Variants in PLEKHA6 observed in about 807,000 individuals in gnomAD.
PLEKHA6 encodes pleckstrin homology domain-containing family A member 6.
Under a neutral mutation model 116.7 loss-of-function variants are expected in PLEKHA6, and 60 were observed. The observed-to-expected ratio is 0.51, with a 90% CI of 0.42 to 0.64. PLEKHA6 has a LOEUF of 0.64. PLEKHA6 is among the 30% of genes least tolerant of loss of function. PLEKHA6 has a pLI of 0.00. For synonymous variants in PLEKHA6, 489 were observed against 556.1 expected, an observed-to-expected ratio of 0.88 and a Z score of 1.70; for missense variants, 1,338 against 1,422.7, an observed-to-expected ratio of 0.94 and a Z score of 0.96.
intron 2 of PLEKHA6, 83 bp from the exon 3 acceptor site, chr1:204,273,823 C>G (rs1420563349): frequency 1.1e-5 from 10 of 929,784 alleles, no homozygotes; most frequent in Non-Finnish European, 1.5e-5. Flanking sequence ...CACACCCTGC[C>G]ACCCACTGTT....
chr1:204,221,341 G>C lies in PLEKHA6; in HGVS notation c.*1447C>G, dbSNP rs1382545782. 2.0e-5 allele frequency: 3 copies of C among 152,666 alleles called. No homozygotes were observed. The highest frequency in any genetic ancestry group is 4.4e-5 in the Non-Finnish European group (3 of 68,056). 9.5% of individuals were successfully genotyped at this position (152,666 alleles called of 1,614,324 possible). On this transcript the variant is annotated 3_prime_UTR_variant, in exon 23 of 23. Coordinates refer to ENST00000272203, the MANE Select transcript of PLEKHA6 (RefSeq NM_014935.5). The stretch of plus-strand genomic sequence containing the variant: ...GGAAGTCAGGCTGAAGCCTCTGAGC[G>C]GCAACTCTAGCAGAGAGAAGGCCGA...
chr1:204,287,897 G>A (rs1392205063), intron 1 of PLEKHA6, among the ~76,000 whole-genome samples: 1 of 152,178 alleles, frequency 6.6e-6, no homozygotes, highest in African/African-American at 2.4e-5. Flanking sequence ...CTTCTGCGCT[G>A]AGCAGTTCAC....
chr1:204,229,185 C>T (rs1660814705), intron 18 of PLEKHA6, 81 bp from the exon 19 acceptor site: 2 of 1,402,716 alleles, frequency 1.4e-6, no homozygotes, highest in Non-Finnish European at 2.0e-6. Context: ...CCTCGCTTTC[C>T]CTTCCCAGCT....
At chr1:204,269,706 C>G (rs1036573612) in intron 3 of PLEKHA6, among the ~76,000 whole-genome samples, 6 of 152,160 alleles carry the variant, frequency 3.9e-5, no homozygotes, top group East Asian at 3.8e-4. Flanking sequence ...TTTGCCTCTT[C>G]CCCTCCAATG....
intron 1 of PLEKHA6, among the ~76,000 whole-genome samples, chr1:204,290,849 G>C (rs374369431): frequency 3.3e-5 from 5 of 152,142 alleles, no homozygotes; most frequent in African/African-American, 1.2e-4. Context: ...AATTAGCCAG[G>C]CATGGTGGCG....
At chr1:204,314,885 C>T (rs1373304107) in intron 1 of PLEKHA6, among the ~76,000 whole-genome samples, 4 of 152,134 alleles carry the variant, frequency 2.6e-5, no homozygotes, top group Non-Finnish European at 2.9e-5. Context: ...CTTCTAATTC[C>T]ACAGGGGCTT....
At chr1:204,327,250 G>A (rs1672274635) in intron 1 of PLEKHA6, among the ~76,000 whole-genome samples, 1 of 152,198 alleles carries the variant, frequency 6.6e-6, no homozygotes, top group Non-Finnish European at 1.5e-5. Context: ...AGCAGTACCA[G>A]GGCTTCCTGC....
chr1:204,314,062 G>A lies in PLEKHA6; in HGVS notation c.-94-39253C>T, dbSNP rs145718039. Among the ~76,000 whole-genome samples the A allele has an allele frequency of 4.3e-3, 651 of 152,282 alleles. 4 individuals carry two copies. The highest frequency in any genetic ancestry group is 0.013 in the African/African-American group (558 of 41,564). On this transcript the variant is annotated intron_variant, in intron 1 of 22. Coordinates refer to ENST00000272203, the MANE Select transcript of PLEKHA6 (RefSeq NM_014935.5). ...AGCACTGGTGGGTGGGAAAGTGAGG[G>A]TCCCCAGATGGGGAGGGACAGGATC...
rs1400994764 is a variant in PLEKHA6 at position 204,219,310 on chromosome 1, G to A, written c.*3478C>T. 6.6e-6 allele frequency: 1 copy of A among 152,342 alleles called. No homozygotes were observed. Among genetic ancestry groups the A allele is most frequent in the African/African-American group, 2.4e-5 (1 of 41,344 alleles). 9.4% of individuals were successfully genotyped at this position (152,342 alleles called of 1,614,324 possible). On this transcript the variant is annotated 3_prime_UTR_variant, in exon 23 of 23. Transcript: ENST00000272203. ...TCTTAGTTTTAAGAGCTGCCAGGTA[G>A]AGGGTGCCTAAAGGGGAAAGGAATT...
At chr1:204,244,414 T>G (rs1370851542) in intron 15 of PLEKHA6, among the ~76,000 whole-genome samples, 1 of 152,058 alleles carries the variant, frequency 6.6e-6, no homozygotes, top group Non-Finnish European at 1.5e-5. Context: ...ATGCTGGGAT[T>G]ACACGATTAC....
At chr1:204,245,518 C>T in intron 14 of PLEKHA6, 97 bp downstream of exon 14, 1 of 755,438 alleles carries the variant, frequency 1.3e-6, no homozygotes, top group Non-Finnish European at 2.3e-6. Context: ...TGGCTCTGAA[C>T]ACAGTGTGAG....
At chr1:204,248,673 G>T (rs1469279896) in intron 12 of PLEKHA6, 148 bp downstream of exon 12, 3 of 627,560 alleles carry the variant, frequency 4.8e-6, no homozygotes, top group Non-Finnish European at 8.3e-6. Flanking sequence ...GGGCAATATT[G>T]AGGTCTTTGT....
At chr1:204,226,542 A>C (rs1294385848) in intron 21 of PLEKHA6, among the ~76,000 whole-genome samples, 2 of 152,126 alleles carry the variant, frequency 1.3e-5, no homozygotes, top group East Asian at 3.9e-4. Context: ...TTGCAGCTAA[A>C]CTACAGGGAG....
chr1:204,352,399 A>C (rs575867502), intron 1 of PLEKHA6, among the ~76,000 whole-genome samples: 1 of 152,178 alleles, frequency 6.6e-6, no homozygotes, highest in African/African-American at 2.4e-5. Context: ...AAGAAAAAAG[A>C]AAAAAAGACT....
intron 1 of PLEKHA6, among the ~76,000 whole-genome samples, chr1:204,279,800 G>A (rs766763510): frequency 2.0e-5 from 3 of 152,084 alleles, no homozygotes; most frequent in Non-Finnish European, 4.4e-5. Context: ...TTATTTCTTG[G>A]GCCCTTAGTT....
At chr1:204,352,966 C>G (rs947694190) in intron 1 of PLEKHA6, among the ~76,000 whole-genome samples, 4 of 152,158 alleles carry the variant, frequency 2.6e-5, no homozygotes, top group African/African-American at 9.7e-5. Flanking sequence ...GCCTGGGGGA[C>G]AGAGTGAGGC....
intron 1 of PLEKHA6, chr1:204,311,491 CAA>C (rs36122125): frequency 2.3e-3 from 893 of 391,380 alleles, no homozygotes; most frequent in Non-Finnish European, 2.7e-3. Context: ...AACTCTGTGT[CAA>C]AAAAAAAAAA....
intron 17 of PLEKHA6, among the ~76,000 whole-genome samples, chr1:204,237,743 G>T (rs918112218): frequency 6.6e-6 from 1 of 152,212 alleles, no homozygotes; most frequent in African/African-American, 2.4e-5. Context: ...TACCTCAGGG[G>T]TGTATCAACT....
At position 204,223,543 on chromosome 1, in the gene PLEKHA6, G is replaced by T. The variant is rs748542418; in HGVS notation, c.3074C>A (p.Pro1025Gln). Residue 1025 changes from proline (P) to glutamine (Q), a missense_variant, in exon 22 of 23, where the codon CCG becomes CAG. Physicochemically the swap from Pro to Gln is moderately conservative, Grantham distance 76. Coordinates refer to ENST00000272203, the MANE Select transcript of PLEKHA6 (RefSeq NM_014935.5). This position sits in a 1 kb window ranked among gnomAD's most constrained non-coding sequence, Gnocchi z 4.8. The part of the protein sequence containing the change: ...TPSPPTSPAS[P>Q]APPANPLSSE... ...CGACAGGGGGTTTGCTGGAGGAGCC[G>T]GGGAAGCAGGGGAGGTGGGAGGGCT... is the stretch of plus-strand genomic sequence containing the variant. The T allele has an allele frequency of 6.5e-7, 1 of 1,548,774 alleles. No individual in the cohort carries two copies. The highest frequency in any genetic ancestry group is 2.4e-5 in the East Asian group (1 of 40,874).
Sources: allele counts gnomAD v4.1 joint callset (sites outside exome capture counted in the v4.1 genomes callset), GRCh38; gene constraint gnomAD v4.1.1; non-coding constraint Gnocchi (gnomAD v3.1); transcripts MANE v1.5; gene names NCBI Gene and HGNC (gene_info 2026-07-23, HGNC 2026-07-21).